Variants in PCDH9 observed in about 807,000 individuals in gnomAD.
The protein encoded by PCDH9 is protocadherin-9.
A neutral mutation model predicts 70.6 loss-of-function variants in PCDH9; 24 were observed. That is an observed-to-expected ratio of 0.34 (90% CI 0.25 to 0.48). The LOEUF (loss-of-function observed/expected upper bound fraction) is 0.48. PCDH9 is among the 20% of genes least tolerant of loss of function. The probability of loss-of-function intolerance (pLI) is 0.99; values close to 1 mark genes in which losing one functional copy is unlikely to be tolerated. For missense variants in PCDH9, 1,281 were observed against 1,503.6 expected (o/e 0.85, Z 2.45); for synonymous variants, 562 against 558.5 (o/e 1.01, Z -0.09).
chr13:66,355,340 T>C (rs769258790), intron 4 of PCDH9, among the ~76,000 whole-genome samples: 4 of 152,122 alleles, frequency 2.6e-5, no homozygotes, highest in Non-Finnish European at 4.4e-5. Flanking sequence ...AGTAACCTAA[T>C]ATCCATGTTT....
chr13:66,608,360 A>AT (rs1221029012), intron 4 of PCDH9, among the ~76,000 whole-genome samples: 1 of 152,144 alleles, frequency 6.6e-6, no homozygotes, highest in East Asian at 1.9e-4. Flanking sequence ...GATTATACTG[A>AT]TTTTTTAAAA....
At chr13:66,456,345 T>A (rs1958315744) in intron 4 of PCDH9, among the ~76,000 whole-genome samples, 1 of 152,094 alleles carries the variant, frequency 6.6e-6, no homozygotes, top group Non-Finnish European at 1.5e-5. Context: ...CACTATAACC[T>A]CGAACTCCTA....
chr13:66,811,800 T>C (rs2139362616), intron 3 of PCDH9, among the ~76,000 whole-genome samples: 1 of 151,798 alleles, frequency 6.6e-6, no homozygotes, highest in South Asian at 2.1e-4. Flanking sequence ...CTTTCTCTCC[T>C]TCTTTCCTTC....
At chr13:66,723,957 T>A (rs1387110364) in intron 3 of PCDH9, among the ~76,000 whole-genome samples, 1 of 152,210 alleles carries the variant, frequency 6.6e-6, no homozygotes, top group African/African-American at 2.4e-5. Flanking sequence ...TGGTTTTCCT[T>A]AATTGGAAGT....
At chr13:66,997,334 C>A (rs138046779) in intron 2 of PCDH9, among the ~76,000 whole-genome samples, 1 of 152,000 alleles carries the variant, frequency 6.6e-6, no homozygotes, top group Non-Finnish European at 1.5e-5. Context: ...ATGGCAAGGG[C>A]AGGAGCAAGA....
At chr13:66,919,239 T>C (rs1004976486) in intron 2 of PCDH9, among the ~76,000 whole-genome samples, 1 of 151,322 alleles carries the variant, frequency 6.6e-6, no homozygotes, top group Admixed American at 6.6e-5. Context: ...CTAATTGTTC[T>C]ATGCTTCATC....
At chr13:66,462,011 G>A (rs558533787) in intron 4 of PCDH9, among the ~76,000 whole-genome samples, 6 of 151,702 alleles carry the variant, frequency 4.0e-5, no homozygotes, top group Non-Finnish European at 5.9e-5. Context: ...GCAACAAGCT[G>A]GAGCTAGTTC....
rs552595272 is a variant in PCDH9, at chr13:66,851,666, C to T, written c.3138+51838G>A. Among the ~76,000 whole-genome samples the T allele has an allele frequency of 3.4e-4, 51 of 151,894 alleles. 2 individuals are homozygous for T. Among genetic ancestry groups the T allele is most frequent in the African/African-American group, 9.7e-4 (40 of 41,406 alleles). ...TATTAGGTTGGTGCAAAAGTTATTG[C>T]GGATTTTGCCATTACTTTTAATAAC... On this transcript the variant is annotated intron_variant, in intron 3 of 4. Transcript: ENST00000377865.
At chr13:67,085,955 C>T (rs56309321) in intron 2 of PCDH9, among the ~76,000 whole-genome samples, 15,317 of 152,044 alleles carry the variant, frequency 0.1, 838 homozygotes, top group Non-Finnish European at 0.12. Context: ...TCCAAAAGGA[C>T]GCCTCAGACA....
chr13:66,371,513 G>A (rs1286815075), intron 4 of PCDH9, among the ~76,000 whole-genome samples: 3 of 151,990 alleles, frequency 2.0e-5, no homozygotes, highest in African/African-American at 7.2e-5. Context: ...GGTATGTATT[G>A]AGGTATATTT....
At chr13:66,948,285 T>A (rs779688552) in intron 2 of PCDH9, among the ~76,000 whole-genome samples, 2 of 152,090 alleles carry the variant, frequency 1.3e-5, no homozygotes, top group Non-Finnish European at 2.9e-5. Flanking sequence ...CAGTATAGTT[T>A]CTAGAATAGA....
At chr13:66,598,775 T>C (rs2077131662) in intron 4 of PCDH9, among the ~76,000 whole-genome samples, 1 of 151,870 alleles carries the variant, frequency 6.6e-6, no homozygotes, top group African/African-American at 2.4e-5. Flanking sequence ...AAGGGAAAAC[T>C]AACAGATCTT....
rs558789704 is a variant in PCDH9, at chr13:66,892,740, A to T, written c.3138+10764T>A. On this transcript the variant is annotated intron_variant, in intron 3 of 4. Coordinates refer to ENST00000377865, the MANE Select transcript of PCDH9 (RefSeq NM_203487.3). The stretch of plus-strand genomic sequence containing the variant: ...GCTTCTGCTATTTGAATGAATATTC[A>T]TTTGAAAATAATATGCTGGGCATAT... 5.9e-5 allele frequency among the ~76,000 whole-genome samples: 9 copies of T among 152,246 alleles called. No homozygotes were observed. In the East Asian group the frequency reaches 1.7e-3, roughly 29 times the overall value.
chr13:67,197,166 GT>G (rs1230197530), intron 2 of PCDH9, among the ~76,000 whole-genome samples: 1 of 151,984 alleles, frequency 6.6e-6, no homozygotes, highest in Non-Finnish European at 1.5e-5. Context: ...GCCACATTCT[GT>G]TTGGCTAGCT....
intron 3 of PCDH9, among the ~76,000 whole-genome samples, chr13:66,689,442 A>G (rs989324888): frequency 1.3e-5 from 2 of 152,214 alleles, no homozygotes; most frequent in Non-Finnish European, 2.9e-5. Context: ...CGTGGAGTAC[A>G]TGACAGCTTA....
intron 4 of PCDH9, among the ~76,000 whole-genome samples, chr13:66,309,556 A>G (rs891081980): frequency 3.9e-5 from 6 of 152,008 alleles, no homozygotes; most frequent in Admixed American, 1.3e-4. Flanking sequence ...AATATAATCT[A>G]TAGTTCTCCA....
intron 4 of PCDH9, among the ~76,000 whole-genome samples, chr13:66,450,973 C>A (rs1034631603): frequency 5.9e-5 from 9 of 151,990 alleles, no homozygotes; most frequent in African/African-American, 2.2e-4. Context: ...GCCGAGATCG[C>A]GCCACTGTAC....
intron 3 of PCDH9, among the ~76,000 whole-genome samples, chr13:66,677,656 T>G (rs1216646998): frequency 1.3e-5 from 2 of 152,082 alleles, no homozygotes; most frequent in Non-Finnish European, 2.9e-5. Flanking sequence ...CTCCATTTGC[T>G]CCTGCTTTCA....
intron 4 of PCDH9, among the ~76,000 whole-genome samples, chr13:66,617,262 A>G (rs907935461): frequency 6.6e-6 from 1 of 152,148 alleles, no homozygotes; most frequent in African/African-American, 2.4e-5. Flanking sequence ...GAAGATGGAA[A>G]GAGGGCACTC....
Sources: gnomAD v4.1 joint callset for allele counts (sites outside exome capture counted in the v4.1 genomes callset) on GRCh38, gnomAD v4.1.1 for gene constraint, MANE v1.5 for transcripts, NCBI Gene and HGNC (gene_info 2026-07-23, HGNC 2026-07-21) for gene names.